Variants in ZNF536 observed in about 807,000 individuals in gnomAD.
ZNF536 encodes zinc finger protein 536.
A neutral mutation model predicts 84.5 loss-of-function variants in ZNF536; 13 were observed. The observed-to-expected ratio is 0.15, with a 90% CI of 0.10 to 0.24. The LOEUF is 0.24. Among genes scored for constraint, ZNF536 ranks in the 10% least tolerant of loss-of-function variants. The probability of loss-of-function intolerance (pLI) is 1.00; values close to 1 mark genes in which losing one functional copy is unlikely to be tolerated. For synonymous variants in ZNF536, 811 were observed against 742.5 expected (o/e 1.09, Z -1.50); for missense variants, 1,536 against 1,747.5 (o/e 0.88, Z 2.16).
At chr19:30,618,021 A>G (rs2048363614) in intron 1 of ZNF536, among the ~76,000 whole-genome samples, 1 of 152,226 alleles carries the variant, frequency 6.6e-6, no homozygotes, top group Admixed American at 6.5e-5. Context: ...GCTTTACTGT[A>G]TACATTGTGC....
At chr19:30,670,258 G>A (rs868032639) in intron 1 of ZNF536, among the ~76,000 whole-genome samples, 2 of 152,000 alleles carry the variant, frequency 1.3e-5, no homozygotes, top group Admixed American at 1.3e-4. Flanking sequence ...CTCCCCTCCT[G>A]CGCCGCTTCT....
intron 1 of ZNF536, among the ~76,000 whole-genome samples, chr19:30,614,188 T>G (rs560653662): frequency 1.4e-4 from 21 of 152,330 alleles, no homozygotes; most frequent in African/African-American, 4.8e-4. Context: ...CTGTATATTG[T>G]GCATATTTTT....
At chr19:30,701,534 CACAG>C (rs144000703) in intron 1 of ZNF536, among the ~76,000 whole-genome samples, 7 of 129,254 alleles carry the variant, frequency 5.4e-5, no homozygotes, top group African/African-American at 8.2e-5. Context: ...CACACAAACA[CACAG>C]ACACACAAAC....
chr19:30,356,027 C>G (rs891919243), intron 3 of ZNF536, among the ~76,000 whole-genome samples: 1 of 152,190 alleles, frequency 6.6e-6, no homozygotes, highest in African/African-American at 2.4e-5. Context: ...GTGCCTGGCC[C>G]AGAGTGCCAC....
rs147384848 is a variant in ZNF536, at chr19:30,328,563, C to T, written c.-119-23805C>T. ...GGTGATGCATTGTTCTGGCTGTCCA[C>T]GTAGCCCTAACTAATCACTCAAGTT... On this transcript the variant is annotated intron_variant, in intron 2 of 5. Transcript: ENST00000585628. Among the ~76,000 whole-genome samples, 30 of 152,354 alleles carry T rather than the reference C, an allele frequency of 2.0e-4. 2 individuals carry two copies. The highest frequency in any genetic ancestry group is 3.4e-3 in the Middle Eastern group (1 of 294).
rs1383893266 is a variant in ZNF536 at position 30,443,638 on chromosome 19, C to T, written c.76C>T (p.Leu26Phe). The part of the protein sequence containing the change: ...EAEPHLSGPV[L>F]NGQYAMSQKL... ...TGAGCCCCACCTGAGTGGCCCCGTC[C>T]TCAACGGCCAGTATGCCATGAGTCA... Residue 26 changes from leucine (L) to phenylalanine (F), a missense_variant, in exon 2 of 5, where the codon CTC becomes TTC. Around this residue, in one of 8 missense-constraint regions of ZNF536, gnomAD observed 161 missense variants for 178.5 expected, o/e 0.90. Coordinates refer to ENST00000355537, the MANE Select transcript of ZNF536 (RefSeq NM_014717.3). The T allele has an allele frequency of 1.2e-6, 2 of 1,612,116 alleles. No homozygotes were observed. Among genetic ancestry groups the T allele is most frequent in the Non-Finnish European group, 1.7e-6 (2 of 1,179,270 alleles).
At chr19:30,249,632 G>A (rs1396205234) in intron 1 of ZNF536, among the ~76,000 whole-genome samples, 3 of 152,280 alleles carry the variant, frequency 2.0e-5, no homozygotes, top group South Asian at 4.1e-4. Flanking sequence ...GTGATGGAGC[G>A]AGACCCTGTC....
At chr19:30,701,187 ACT>A (rs968558108) in intron 1 of ZNF536, among the ~76,000 whole-genome samples, 6 of 61,084 alleles carry the variant, frequency 9.8e-5, no homozygotes, top group South Asian at 5.6e-4. Flanking sequence ...GCTATATCTC[ACT>A]CTCACACACA....
At chr19:30,292,661 G>T in intron 2 of ZNF536, among the ~76,000 whole-genome samples, 1 of 151,466 alleles carries the variant, frequency 6.6e-6, no homozygotes, top group African/African-American at 2.4e-5. Flanking sequence ...CCTGAGGTCA[G>T]GTCCTAGTTG....
chr19:30,435,755 G>C (rs2051717280), intron 1 of ZNF536, among the ~76,000 whole-genome samples: 1 of 152,062 alleles, frequency 6.6e-6, no homozygotes, highest in Non-Finnish European at 1.5e-5. Context: ...GGTGACCCAG[G>C]GATCCAGACC....
rs376836763 is a variant in ZNF536 at position 30,548,330 on chromosome 19, A to G, written c.2711A>G (p.Tyr904Cys). 1.9e-6 allele frequency: 3 copies of G among 1,613,706 alleles called. No individual in the cohort carries two copies. Among genetic ancestry groups the G allele is most frequent in the African/African-American group, 2.7e-5 (2 of 74,786 alleles). ...CACTTCTCTGAGATCGGAAGAGCTTATCAAAGCATTGTGAGCAACGGTGTG... is the reference window on the plus strand; with the variant it reads ...CACTTCTCTGAGATCGGAAGAGCTTGTCAAAGCATTGTGAGCAACGGTGTG... ...STHFSEIGRA[Y>C]QSIVSNGVNF... is the part of the protein sequence containing the mutation. Residue 904 changes from tyrosine to cysteine, a missense_variant, in exon 4 of 5, where the codon TAT becomes TGT. Around this residue, in one of 8 missense-constraint regions of ZNF536, gnomAD observed 624 missense variants for 603.1 expected, o/e 1.03. Coordinates refer to ENST00000355537, the MANE Select transcript of ZNF536 (RefSeq NM_014717.3).
chr19:30,310,224 T>C (rs1446169685), intron 2 of ZNF536, among the ~76,000 whole-genome samples: 1 of 152,236 alleles, frequency 6.6e-6, no homozygotes, highest in Non-Finnish European at 1.5e-5. Context: ...AACAGAACAA[T>C]ACTGTTGCTT....
chr19:30,452,240 G>A (rs1159836400), intron 2 of ZNF536, among the ~76,000 whole-genome samples: 2 of 152,246 alleles, frequency 1.3e-5, no homozygotes, highest in Admixed American at 6.5e-5. Flanking sequence ...CAGAGCTGGG[G>A]CAGCCTCTGC....
At chr19:30,689,373 C>T (rs570969794) in intron 1 of ZNF536, among the ~76,000 whole-genome samples, 12 of 152,302 alleles carry the variant, frequency 7.9e-5, no homozygotes, top group South Asian at 6.2e-4. Context: ...AAAACATGTC[C>T]GTCTGTGAGG....
intron 1 of ZNF536, among the ~76,000 whole-genome samples, chr19:30,236,935 C>T (rs1315052338): frequency 6.6e-6 from 1 of 152,198 alleles, no homozygotes; most frequent in East Asian, 1.9e-4. Flanking sequence ...CTTCCAAATG[C>T]TTCCTGAAGA....
intron 1 of ZNF536, among the ~76,000 whole-genome samples, chr19:30,667,266 G>T (rs377312783): frequency 6.6e-6 from 1 of 152,182 alleles, no homozygotes; most frequent in Non-Finnish European, 1.5e-5. Flanking sequence ...TTACAGAAGG[G>T]GAAACTGAGG....
chr19:30,311,114 C>T (rs750801169), intron 2 of ZNF536, among the ~76,000 whole-genome samples: 8 of 152,092 alleles, frequency 5.3e-5, no homozygotes, highest in East Asian at 1.9e-4. Context: ...TGACCACTGG[C>T]GCTGCTCATG....
At chr19:30,367,280 G>A (rs2048466699) in intron 3 of ZNF536, among the ~76,000 whole-genome samples, 1 of 152,172 alleles carries the variant, frequency 6.6e-6, no homozygotes, top group African/African-American at 2.4e-5. Flanking sequence ...CCGCTGACAT[G>A]CTAATATTTC....
intron 1 of ZNF536, among the ~76,000 whole-genome samples, chr19:30,433,627 A>G (rs1374741005): frequency 6.6e-6 from 1 of 152,176 alleles, no homozygotes; most frequent in Non-Finnish European, 1.5e-5. Flanking sequence ...CCTCCCGAGT[A>G]GCTGGGATTA....
Sources: gnomAD v4.1 joint callset for allele counts (sites outside exome capture counted in the v4.1 genomes callset) on GRCh38, gnomAD v4.1.1 for gene constraint, gnomAD v4.1.1 regional missense constraint, MANE v1.5 for transcripts, NCBI Gene and HGNC (gene_info 2026-07-23, HGNC 2026-07-21) for gene names.